Variants in FNDC3B observed in about 807,000 individuals in gnomAD.
FNDC3B encodes the protein fibronectin type III domain containing 3B, also known as fibronectin type III domain-containing protein 3B.
In FNDC3B, 12 loss-of-function variants were observed where a neutral mutation model predicts 151.5. The ratio of observed to expected loss-of-function variants is 0.08; its 90% CI spans 0.05 to 0.13. The LOEUF is 0.13. Ranked by LOEUF, FNDC3B falls within the 10% of genes least tolerant of loss-of-function variation. FNDC3B has a pLI of 1.00. For missense variants in FNDC3B, 1,214 were observed against 1,505.3 expected (o/e 0.81, Z 3.20); for synonymous variants, 528 against 549.0 (o/e 0.96, Z 0.54).
rs10684671 is a variant in FNDC3B at position 172,177,626 on chromosome 3, C to CTTTTT, written c.187+44097_187+44101dup. On this transcript the variant is annotated intron_variant, in intron 3 of 25. Transcript: ENST00000415807. ...AGGAAGGAATCATTTTTACCACCAT[C>CTTTTT]TTTTTTTTTTTTTTTTTTTTTGCAC... 1.2e-4 allele frequency among the ~76,000 whole-genome samples: 10 copies of CTTTTT among 84,838 alleles called. 1 individual carries two copies. Among genetic ancestry groups the CTTTTT allele is most frequent in the Admixed American group, 2.7e-4 (2 of 7,432 alleles). The allele number at this position is 84,838 out of a possible 152,430, so 55.7% of individuals were successfully genotyped here.
At chr3:172,133,687 G>T (rs188271722) in intron 3 of FNDC3B, 141 bp downstream of exon 3, 3 of 737,808 alleles carry the variant, frequency 4.1e-6, no homozygotes, top group South Asian at 1.4e-5. Context: ...TTTTTCTGTC[G>T]CATGGTCTCA....
chr3:172,251,625 T>C (rs899932563), intron 6 of FNDC3B, 84 bp downstream of exon 6: 1 of 1,279,752 alleles, frequency 7.8e-7, no homozygotes, highest in African/African-American at 1.5e-5. Flanking sequence ...TACATGAGAA[T>C]ATTATTTCAT....
At chr3:172,395,821 C>A (rs1285081) in intron 25 of FNDC3B, among the ~76,000 whole-genome samples, 1 of 152,008 alleles carries the variant, frequency 6.6e-6, no homozygotes, top group Non-Finnish European at 1.5e-5. Flanking sequence ...CCAGTAAGCA[C>A]GTGAAAAGAT....
chr3:172,128,925 G>GC (rs1720934400), intron 2 of FNDC3B, among the ~76,000 whole-genome samples: 1 of 152,168 alleles, frequency 6.6e-6, no homozygotes, highest in African/African-American at 2.4e-5. Flanking sequence ...TAAAAATGCT[G>GC]CAAGTGTACT....
chr3:172,070,705 T>C (rs1576835423), intron 1 of FNDC3B, among the ~76,000 whole-genome samples: 1 of 152,202 alleles, frequency 6.6e-6, no homozygotes, highest in Admixed American at 6.5e-5. Flanking sequence ...AATTTGAACA[T>C]AGACAAAAGT....
chr3:172,225,990 T>A (rs1726545708), intron 3 of FNDC3B: 1 of 152,216 alleles, frequency 6.6e-6, no homozygotes, highest in Admixed American at 6.5e-5. Context: ...TTGGCATACA[T>A]ATTTTTAATA....
At chr3:172,343,597 C>T (rs1181937466) in intron 18 of FNDC3B, among the ~76,000 whole-genome samples, 5 of 152,188 alleles carry the variant, frequency 3.3e-5, no homozygotes, top group African/African-American at 7.2e-5. Context: ...GCTGTATTAG[C>T]GTTTCCTGTT....
At chr3:172,251,820 CT>C (rs1425338047) in intron 6 of FNDC3B, among the ~76,000 whole-genome samples, 4 of 152,088 alleles carry the variant, frequency 2.6e-5, no homozygotes, top group African/African-American at 9.7e-5. Flanking sequence ...TCATGTTAGC[CT>C]ACTTCTGTTG....
At chr3:172,345,871 A>T (rs1424933962) in intron 19 of FNDC3B, 1 of 152,604 alleles carries the variant, frequency 6.6e-6, no homozygotes, top group African/African-American at 2.4e-5. Context: ...ATTTATTTTC[A>T]AAATGGAAAA....
chr3:172,205,031 G>T (rs1047225621), intron 3 of FNDC3B, among the ~76,000 whole-genome samples: 1 of 152,202 alleles, frequency 6.6e-6, no homozygotes, highest in African/African-American at 2.4e-5. Flanking sequence ...TGAGTGGAAA[G>T]GTAGATTTCT....
chr3:172,156,645 A>G lies in FNDC3B; in HGVS notation c.187+23099A>G, dbSNP rs1052523649. 3.3e-5 allele frequency among the ~76,000 whole-genome samples: 5 copies of G among 151,754 alleles called. No individual in the cohort carries two copies. The Middle Eastern group carries it at 0.01, about 316-fold the overall frequency. Reference sequence around the variant, plus strand: ...TTTGCTAATTGAACCTGGAAAACCTAACCATGAAAGGGATCTACAGAGAAA... The same window carrying G: ...TTTGCTAATTGAACCTGGAAAACCTGACCATGAAAGGGATCTACAGAGAAA... On this transcript the variant is annotated intron_variant, in intron 3 of 25. Coordinates refer to ENST00000415807, the MANE Select transcript of FNDC3B (RefSeq NM_022763.4).
intron 1 of FNDC3B, among the ~76,000 whole-genome samples, chr3:172,061,414 AGT>A (rs1396791684): frequency 3.6e-4 from 55 of 151,716 alleles, no homozygotes; most frequent in Non-Finnish European, 5.9e-5. Context: ...TTTTATGTTT[AGT>A]AGAGACAGGG....
intron 6 of FNDC3B, among the ~76,000 whole-genome samples, chr3:172,263,198 C>G (rs968978587): frequency 6.6e-6 from 1 of 151,736 alleles, no homozygotes; most frequent in African/African-American, 2.4e-5. Flanking sequence ...GTGGGAAGAA[C>G]TAGGTCTACA....
chr3:172,331,864 T>C (rs933718421), intron 13 of FNDC3B, among the ~76,000 whole-genome samples: 5 of 152,212 alleles, frequency 3.3e-5, no homozygotes, highest in Non-Finnish European at 5.9e-5. Flanking sequence ...CTTTCTGCAG[T>C]GATGGAAATA....
Position 172,371,366 on chromosome 3 carries a change from T to A in FNDC3B, c.3009-6904T>A, listed in dbSNP as rs538300421. Among the ~76,000 whole-genome samples, 135 of 152,350 alleles carry A rather than the reference T, an allele frequency of 8.9e-4. 1 individual carries two copies. The highest frequency in any genetic ancestry group is 3.2e-3 in the African/African-American group (132 of 41,582). The stretch of plus-strand genomic sequence containing the variant: ...TTCCCCCATTATTTTCTATCTGCAG[T>A]TGGTTGATCCACAGATATGGAACCT... On this transcript the variant is annotated intron_variant, in intron 23 of 25. Transcript: ENST00000415807.
At chr3:172,135,437 T>A (rs1259346727) in intron 3 of FNDC3B, among the ~76,000 whole-genome samples, 1 of 152,218 alleles carries the variant, frequency 6.6e-6, no homozygotes, top group Non-Finnish European at 1.5e-5. Context: ...TTCATGATGA[T>A]ACTTGGAGAT....
At chr3:172,389,603 C>T (rs1275667798) in intron 25 of FNDC3B, among the ~76,000 whole-genome samples, 2 of 152,130 alleles carry the variant, frequency 1.3e-5, no homozygotes, top group South Asian at 2.1e-4. Flanking sequence ...TGGCTCACGC[C>T]TGTAGTAATC....
chr3:172,049,012 T>C (rs1008396237), intron 1 of FNDC3B, among the ~76,000 whole-genome samples: 10 of 152,168 alleles, frequency 6.6e-5, no homozygotes, highest in Non-Finnish European at 1.2e-4. Context: ...TTTGGGATGA[T>C]AAAAAATTTC....
At chr3:172,265,600 G>A (rs1054231690) in intron 6 of FNDC3B, among the ~76,000 whole-genome samples, 1 of 152,124 alleles carries the variant, frequency 6.6e-6, no homozygotes, top group African/African-American at 2.4e-5. Flanking sequence ...CAGACAATTG[G>A]TAATTATAGG....
Sources: allele counts gnomAD v4.1 joint callset (sites outside exome capture counted in the v4.1 genomes callset), GRCh38; gene constraint gnomAD v4.1.1; transcripts MANE v1.5; gene names NCBI Gene and HGNC (gene_info 2026-07-23, HGNC 2026-07-21).